The following WFDC8 variants were observed in gnomAD, a reference collection of about 807,000 sequenced individuals.
WFDC8 encodes WAP four-disulfide core domain protein 8.
Under a neutral mutation model 27.0 loss-of-function variants are expected in WFDC8, and 24 were observed. That is an observed-to-expected ratio of 0.89 (90% CI 0.64 to 1.25). The LOEUF (loss-of-function observed/expected upper bound fraction) is 1.25, where lower values mean the gene tolerates loss of function less well. WFDC8 is among the 50% of genes most tolerant of loss of function. The probability of loss-of-function intolerance (pLI) is 0.00; values close to 1 mark genes in which losing one functional copy is unlikely to be tolerated. For missense variants in WFDC8, 287 were observed against 295.9 expected, an observed-to-expected ratio of 0.97 and a Z score of 0.22; for synonymous variants, 106 against 99.7, an observed-to-expected ratio of 1.06 and a Z score of -0.38.
intron 1 of WFDC8, among the ~76,000 whole-genome samples, chr20:45,562,505 T>C (rs1022624941): frequency 7.0e-6 from 1 of 142,380 alleles, no homozygotes; most frequent in Non-Finnish European, 1.5e-5. Flanking sequence ...AAGGCCACAC[T>C]TGAATGATCA....
chr20:45,565,119 AGAAG>A (rs1405159343), intron 1 of WFDC8, among the ~76,000 whole-genome samples: 33 of 147,122 alleles, frequency 2.2e-4, no homozygotes, highest in Middle Eastern at 3.5e-3. Flanking sequence ...AAGGAAGGAG[AGAAG>A]GAAGGAAGGA....
In WFDC8 at chr20:45,552,070, A is replaced by G; in HGVS notation, c.682T>C (p.Cys228Arg). 6.2e-7 allele frequency: 1 copy of G among 1,614,158 alleles called. No homozygotes were observed. Among genetic ancestry groups the G allele is most frequent in the Non-Finnish European group, 8.5e-7 (1 of 1,179,986 alleles). The change falls in exon 6 of 6, where the codon TGC becomes CGC. Residue 228 changes from cysteine (C) to arginine (R), a missense_variant. Transcript: ENST00000289953. The stretch of plus-strand genomic sequence containing the variant: ...CATTTCAGTCCACAATGTGAGCAGC[A>G]CTTTTCCACCAATGGGCACTCCTCA... ...QDEECPLVEK[C>R]CSHCGLKCMD...
chr20:45,562,434 C>T (rs959939817), intron 1 of WFDC8, among the ~76,000 whole-genome samples: 1 of 152,200 alleles, frequency 6.6e-6, no homozygotes, highest in African/African-American at 2.4e-5. Context: ...TCCCCATACC[C>T]TGCCATGGTG....
At chr20:45,566,030 A>C (rs1980666210) in intron 1 of WFDC8, among the ~76,000 whole-genome samples, 1 of 152,206 alleles carries the variant, frequency 6.6e-6, no homozygotes, top group South Asian at 2.1e-4. Flanking sequence ...AAACCATAGT[A>C]TTCAAACTTT....
chr20:45,561,541 A>C (rs1980468232), intron 2 of WFDC8, among the ~76,000 whole-genome samples: 1 of 151,932 alleles, frequency 6.6e-6, no homozygotes, highest in Admixed American at 6.6e-5. Flanking sequence ...GTATCCCATC[A>C]CTCATGGACT....
intron 1 of WFDC8, among the ~76,000 whole-genome samples, chr20:45,563,525 C>A (rs1464061540): frequency 6.6e-6 from 1 of 152,200 alleles, no homozygotes; most frequent in Non-Finnish European, 1.5e-5. Flanking sequence ...TAACACCTAC[C>A]TCACAGACAT....
At position 45,567,853 on chromosome 20, in the gene WFDC8, C is replaced by T. The variant is rs78320758; in HGVS notation, c.27-5634G>A. On this transcript the variant is annotated intron_variant, in intron 1 of 5. Coordinates refer to ENST00000289953, the MANE Select transcript of WFDC8 (RefSeq NM_130896.3). ...ACCTTTTTTCTTGTTAGAGACAGAACCTCACTCTGTCACTCAGGCTGCAGT... is the reference window on the plus strand; with the variant it reads ...ACCTTTTTTCTTGTTAGAGACAGAATCTCACTCTGTCACTCAGGCTGCAGT... 654 of 157,172 alleles carry T rather than the reference C, an allele frequency of 4.2e-3. 5 individuals are homozygous for T. The highest frequency in any genetic ancestry group is 0.015 in the African/African-American group (624 of 41,618). 9.7% of individuals were successfully genotyped at this position (157,172 alleles called of 1,614,324 possible).
intron 1 of WFDC8, among the ~76,000 whole-genome samples, chr20:45,566,721 G>A (rs1980691955): frequency 6.6e-6 from 1 of 152,148 alleles, no homozygotes; most frequent in African/African-American, 2.4e-5. Context: ...ATGTTCTGCA[G>A]TAGAAGTGCA....
At chr20:45,553,098 T>A (rs1568992673) in intron 5 of WFDC8, 38 bp downstream of exon 5, 2 of 1,589,544 alleles carry the variant, frequency 1.3e-6, no homozygotes, top group South Asian at 2.3e-5. Context: ...CCTTGGCACA[T>A]GCCCAATAGA....
chr20:45,552,092 C>T lies in WFDC8; in HGVS notation c.660G>A (p.Glu220=), dbSNP rs1191961341. 1.2e-6 allele frequency: 2 copies of T among 1,614,130 alleles called. No homozygotes were observed. The highest frequency in any genetic ancestry group is 1.7e-6 in the Non-Finnish European group (2 of 1,179,976). ...KIDKPKCLQD[E]ECPLVEKCCS... Reference sequence around the variant, plus strand: ...AGCACTTTTCCACCAATGGGCACTCCTCATCCTGCAGGCACTTGGGTTTAT... The same window carrying T: ...AGCACTTTTCCACCAATGGGCACTCTTCATCCTGCAGGCACTTGGGTTTAT... The change falls in exon 6 of 6, where the codon GAG becomes GAA. Residue 220 remains glutamate, a synonymous_variant. Transcript: ENST00000289953.
chr20:45,552,534 G>T (rs12480392), intron 5 of WFDC8, among the ~76,000 whole-genome samples: 2,132 of 152,272 alleles, frequency 0.014, 91 homozygotes, highest in Admixed American at 0.098. Flanking sequence ...GAAATGAGTT[G>T]CCCAATGCCA....
intron 2 of WFDC8, 126 bp from the exon 3 acceptor site, chr20:45,559,118 G>C: frequency 8.2e-7 from 1 of 1,212,950 alleles, no homozygotes; most frequent in Non-Finnish European, 1.2e-6. Flanking sequence ...TTCTTGCTCT[G>C]CTTATATTCA....
intron 4 of WFDC8, among the ~76,000 whole-genome samples, chr20:45,553,974 G>A (rs7268787): frequency 0.38 from 58,211 of 151,872 alleles, 11,634 homozygotes; most frequent in Non-Finnish European, 0.43. Context: ...ATGGTAAGAG[G>A]TACTGGTTTA....
At chr20:45,564,288 T>G (rs1980568541) in intron 1 of WFDC8, among the ~76,000 whole-genome samples, 1 of 152,076 alleles carries the variant, frequency 6.6e-6, no homozygotes, top group Non-Finnish European at 1.5e-5. Flanking sequence ...AATAACACAC[T>G]AGGTTCTGGG....
chr20:45,551,227 A>T (rs1300990037), downstream of WFDC8: 1 of 152,224 alleles, frequency 6.6e-6, no homozygotes, highest in Non-Finnish European at 1.5e-5. Context: ...TATGCCAACA[A>T]ATTAGAAGAG....
chr20:45,573,539 C>T (rs1035212325), intron 1 of WFDC8, among the ~76,000 whole-genome samples: 1 of 152,102 alleles, frequency 6.6e-6, no homozygotes, highest in East Asian at 1.9e-4. Flanking sequence ...AACTTATAAG[C>T]GAAAACATAT....
At chr20:45,565,884 T>C (rs566174595) in intron 1 of WFDC8, among the ~76,000 whole-genome samples, 30 of 152,328 alleles carry the variant, frequency 2.0e-4, no homozygotes, top group African/African-American at 6.7e-4. Flanking sequence ...TGCCAATTAG[T>C]TAAATCTGTG....
intron 3 of WFDC8, among the ~76,000 whole-genome samples, chr20:45,557,538 T>C (rs1274968665): frequency 1.3e-5 from 2 of 152,154 alleles, no homozygotes; most frequent in Non-Finnish European, 2.9e-5. Flanking sequence ...GTTCAAGCAA[T>C]TCTCCTGCCT....
At chr20:45,557,745 T>A (rs1324114325) in intron 3 of WFDC8, among the ~76,000 whole-genome samples, 1 of 152,130 alleles carries the variant, frequency 6.6e-6, no homozygotes, top group Non-Finnish European at 1.5e-5. Flanking sequence ...TAAAGATGTG[T>A]TTAAGCCTAG....
Sources: allele counts gnomAD v4.1 joint callset (sites outside exome capture counted in the v4.1 genomes callset), GRCh38; gene constraint gnomAD v4.1.1; transcripts MANE v1.5; gene names NCBI Gene and HGNC (gene_info 2026-07-23, HGNC 2026-07-21).